MDFIC2: variants seen among roughly 807,000 people sequenced by gnomAD.
MDFIC2 encodes the protein MyoD family inhibitor domain containing 2, also known as myoD family inhibitor domain-containing protein 2.
At chr3:70,275,367 T>C (rs757209347) in intron 2 of MDFIC2, among the ~76,000 whole-genome samples, 3 of 151,896 alleles carry the variant, frequency 2.0e-5, no homozygotes, top group Non-Finnish European at 4.4e-5. Flanking sequence ...AGAAAAAAAT[T>C]AGTTGGGTGT....
intron 2 of MDFIC2, among the ~76,000 whole-genome samples, chr3:70,270,962 G>A (rs977698493): frequency 6.6e-5 from 10 of 151,906 alleles, no homozygotes; most frequent in Non-Finnish European, 4.4e-5. Context: ...GCAGCAAATC[G>A]CCATGGCACA....
At chr3:70,300,129 A>G (rs1702333485) in intron 2 of MDFIC2, among the ~76,000 whole-genome samples, 1 of 152,058 alleles carries the variant, frequency 6.6e-6, no homozygotes, top group Admixed American at 6.6e-5. Flanking sequence ...TGAATCGCAT[A>G]TCTTCTTTGA....
chr3:70,214,446 G>C (rs962389574), intron 2 of MDFIC2, among the ~76,000 whole-genome samples: 1 of 151,956 alleles, frequency 6.6e-6, no homozygotes, highest in Non-Finnish European at 1.5e-5. Context: ...GAGAGAAAAG[G>C]CTAAAGTATA....
At chr3:70,283,723 G>T (rs1293584458) in intron 2 of MDFIC2, 1 of 149,888 alleles carries the variant, frequency 6.7e-6, no homozygotes, top group Non-Finnish European at 1.5e-5. Flanking sequence ...TTAGAATCTT[G>T]ATTTCATACA....
intron 2 of MDFIC2, among the ~76,000 whole-genome samples, chr3:70,236,676 G>A (rs1366316305): frequency 6.6e-6 from 1 of 152,022 alleles, no homozygotes; most frequent in Non-Finnish European, 1.5e-5. Flanking sequence ...GCTCGCTGCA[G>A]TCTCAACCTC....
chr3:70,285,401 G>A (rs1027620668), intron 2 of MDFIC2, among the ~76,000 whole-genome samples: 1 of 151,890 alleles, frequency 6.6e-6, no homozygotes, highest in African/African-American at 2.4e-5. Context: ...CAGTTTTTAT[G>A]GCTGCATAGT....
intron 2 of MDFIC2, among the ~76,000 whole-genome samples, chr3:70,222,855 G>C (rs140794379): frequency 6.2e-4 from 94 of 152,246 alleles, no homozygotes; most frequent in African/African-American, 2.0e-3. Context: ...TGTTTTAAAG[G>C]AATGCTATTT....
chr3:70,211,964 C>T (rs1350530433), intron 2 of MDFIC2, among the ~76,000 whole-genome samples: 1 of 151,834 alleles, frequency 6.6e-6, no homozygotes, highest in South Asian at 2.1e-4. Context: ...TAGCCCATCT[C>T]CATTATCAGC....
At chr3:70,309,013 T>C (rs1157405405) in intron 2 of MDFIC2, among the ~76,000 whole-genome samples, 1 of 152,238 alleles carries the variant, frequency 6.6e-6, no homozygotes, top group East Asian at 1.9e-4. Flanking sequence ...GTAACCACTT[T>C]GTTCTTAATG....
At chr3:70,253,105 C>T (rs1463446988) in intron 2 of MDFIC2, among the ~76,000 whole-genome samples, 2 of 151,852 alleles carry the variant, frequency 1.3e-5, no homozygotes, top group Non-Finnish European at 2.9e-5. Flanking sequence ...CGAAGAGAAA[C>T]TAATACCTAA....
chr3:70,233,187 G>A (rs1701577657), intron 2 of MDFIC2, among the ~76,000 whole-genome samples: 1 of 152,080 alleles, frequency 6.6e-6, no homozygotes. Flanking sequence ...TCAGAGTTTG[G>A]GTACTAAAAG....
At chr3:70,291,095 T>C (rs1363445018) in intron 2 of MDFIC2, 1 of 152,086 alleles carries the variant, frequency 6.6e-6, no homozygotes, top group Admixed American at 6.5e-5. Flanking sequence ...GAGCTACTTA[T>C]TTTTTTATGA....
chr3:70,297,721 T>A (rs909761451), intron 2 of MDFIC2, among the ~76,000 whole-genome samples: 2 of 152,084 alleles, frequency 1.3e-5, no homozygotes, highest in African/African-American at 4.8e-5. Context: ...ATTTTTTTCC[T>A]TTTGTGGGGT....
At chr3:70,208,718 A>G (rs1179549190) in intron 2 of MDFIC2, among the ~76,000 whole-genome samples, 1 of 152,048 alleles carries the variant, frequency 6.6e-6, no homozygotes, top group African/African-American at 2.4e-5. Flanking sequence ...ACCAATCTTA[A>G]GATGGTTGCT....
chr3:70,242,947 C>G (rs1236070336), intron 2 of MDFIC2, among the ~76,000 whole-genome samples: 1 of 152,080 alleles, frequency 6.6e-6, no homozygotes, highest in Admixed American at 6.6e-5. Context: ...CAAAAAAAGA[C>G]TTTAAAAAAA....
intron 2 of MDFIC2, among the ~76,000 whole-genome samples, chr3:70,309,794 T>A (rs180701848): frequency 1.3e-5 from 2 of 152,202 alleles, no homozygotes; most frequent in African/African-American, 4.8e-5. Context: ...TAAACATAAT[T>A]CGAGTGTAGC....
At chr3:70,304,734 C>G (rs1702383489) in intron 2 of MDFIC2, among the ~76,000 whole-genome samples, 2 of 152,188 alleles carry the variant, frequency 1.3e-5, no homozygotes, top group South Asian at 4.1e-4. Flanking sequence ...TGTTTCTTCT[C>G]TTTACCTCAT....
At chr3:70,234,742 T>C (rs1701591746) in intron 2 of MDFIC2, among the ~76,000 whole-genome samples, 1 of 152,194 alleles carries the variant, frequency 6.6e-6, no homozygotes, top group Non-Finnish European at 1.5e-5. Context: ...TGTGATCTAC[T>C]CACAGACCAA....
At chr3:70,274,479 T>A (rs1702003351) in intron 2 of MDFIC2, among the ~76,000 whole-genome samples, 1 of 152,172 alleles carries the variant, frequency 6.6e-6, no homozygotes, top group Non-Finnish European at 1.5e-5. Flanking sequence ...TTTCTCCAAA[T>A]AATTAATGTT....
Sources: allele counts gnomAD v4.1 joint callset (sites outside exome capture counted in the v4.1 genomes callset), GRCh38; gene constraint gnomAD v4.1.1; transcripts MANE v1.5; gene names NCBI Gene and HGNC (gene_info 2026-07-23, HGNC 2026-07-21).